The following CALN1 variants were observed in gnomAD, a reference collection of about 807,000 sequenced individuals.
CALN1 encodes the protein calcium-binding protein 8.
Under a neutral mutation model 30.6 loss-of-function variants are expected in CALN1, and 17 were observed. The ratio of observed to expected loss-of-function variants is 0.56; its 90% confidence interval spans 0.38 to 0.83. The LOEUF (loss-of-function observed/expected upper bound fraction) is 0.83. Among genes scored for constraint, CALN1 ranks in the 40% least tolerant of loss-of-function variants. The probability of loss-of-function intolerance (pLI) is 0.00; values close to 1 mark genes in which losing one functional copy is unlikely to be tolerated. For missense variants in CALN1, 291 were observed against 354.9 expected, an observed-to-expected ratio of 0.82 and a Z score of 1.45; for synonymous variants, 156 against 131.4, an observed-to-expected ratio of 1.19 and a Z score of -1.28.
At chr7:72,185,592 TA>T (rs1224874389) in intron 3 of CALN1, among the ~76,000 whole-genome samples, 2 of 152,172 alleles carry the variant, frequency 1.3e-5, no homozygotes, top group Non-Finnish European at 2.9e-5. Context: ...AGGATTTTGA[TA>T]TAGAGAGTGA....
upstream of CALN1, among the ~76,000 whole-genome samples, chr7:72,413,074 G>A (rs1349731932): frequency 2.0e-5 from 3 of 152,110 alleles, no homozygotes; most frequent in South Asian, 2.1e-4. Context: ...ACTGATGGAC[G>A]CCCTGGCAGA....
chr7:72,077,033 G>A (rs974217892), intron 4 of CALN1, among the ~76,000 whole-genome samples: 5 of 151,796 alleles, frequency 3.3e-5, no homozygotes, highest in Admixed American at 6.6e-5. Context: ...TCAAAACCAA[G>A]GGAGAAGTAT....
At chr7:71,912,165 G>A (rs1318225439) in intron 5 of CALN1, among the ~76,000 whole-genome samples, 2 of 152,084 alleles carry the variant, frequency 1.3e-5, no homozygotes, top group Non-Finnish European at 2.9e-5. Flanking sequence ...TGTGGGATGA[G>A]AAGAGAAAGG....
intron 2 of CALN1, among the ~76,000 whole-genome samples, chr7:72,292,410 C>T (rs1190724095): frequency 6.6e-6 from 1 of 150,728 alleles, no homozygotes; most frequent in Non-Finnish European, 1.5e-5. Flanking sequence ...GTGAATGAGG[C>T]CTCCACCTCC....
chr7:71,900,071 C>T (rs1023066874), intron 5 of CALN1, among the ~76,000 whole-genome samples: 3 of 152,024 alleles, frequency 2.0e-5, no homozygotes, highest in Non-Finnish European at 4.4e-5. Flanking sequence ...TTTATCATGT[C>T]AAAAATAGGA....
chr7:72,395,515 C>T (rs1039574932), intron 2 of CALN1, among the ~76,000 whole-genome samples: 3 of 152,170 alleles, frequency 2.0e-5, no homozygotes, highest in South Asian at 2.1e-4. Context: ...TATGGAGTAT[C>T]ATCCGAATTT....
At chr7:71,997,677 CAGAA>C (rs1466964753) in intron 5 of CALN1, among the ~76,000 whole-genome samples, 5 of 151,824 alleles carry the variant, frequency 3.3e-5, no homozygotes, top group African/African-American at 1.2e-4. Context: ...AGAAAGCATC[CAGAA>C]AGAAATGATG....
chr7:72,106,108 C>T (rs1412153819), intron 4 of CALN1, 43 bp downstream of exon 4: 1 of 1,602,220 alleles, frequency 6.2e-7, no homozygotes, highest in Non-Finnish European at 8.5e-7. Flanking sequence ...ACTGATGAGA[C>T]CGGGGCATGT....
chr7:72,429,386 A>G (rs1282398671), intron 1 of CALN1, among the ~76,000 whole-genome samples: 1 of 152,166 alleles, frequency 6.6e-6, no homozygotes, highest in Non-Finnish European at 1.5e-5. Flanking sequence ...AATATCCCCC[A>G]AAAATGAATG....
intron 3 of CALN1, among the ~76,000 whole-genome samples, chr7:72,178,425 G>A (rs1270655871): frequency 6.6e-6 from 1 of 152,156 alleles, no homozygotes; most frequent in Non-Finnish European, 1.5e-5. Context: ...AGGAGCGGTG[G>A]CTCATGTCTG....
intron 1 of CALN1, among the ~76,000 whole-genome samples, chr7:72,406,570 A>C (rs1806707984): frequency 6.6e-6 from 1 of 151,264 alleles, no homozygotes; most frequent in African/African-American, 2.4e-5. Context: ...TCTTGAAGTT[A>C]GATCTCTGGG....
intron 5 of CALN1, among the ~76,000 whole-genome samples, chr7:71,998,602 C>T (rs1250050948): frequency 1.3e-5 from 2 of 149,764 alleles, no homozygotes; most frequent in Non-Finnish European, 3.0e-5. Context: ...GACAGTCTCA[C>T]TCTGTTCCCC....
chr7:72,327,994 T>A (rs1477094282), intron 2 of CALN1, among the ~76,000 whole-genome samples: 2 of 152,150 alleles, frequency 1.3e-5, no homozygotes, highest in African/African-American at 2.4e-5. Context: ...GTATTTGAAA[T>A]GCATAGAAAA....
At chr7:72,393,776 G>C (rs895633858) in intron 2 of CALN1, among the ~76,000 whole-genome samples, 5 of 142,050 alleles carry the variant, frequency 3.5e-5, no homozygotes, top group Admixed American at 7.2e-5. Flanking sequence ...TTGAGACAGA[G>C]TCTCGCTCTG....
At chr7:71,943,766 T>C (rs957964665) in intron 5 of CALN1, among the ~76,000 whole-genome samples, 2 of 152,042 alleles carry the variant, frequency 1.3e-5, no homozygotes, top group African/African-American at 2.4e-5. Context: ...CATAGTGCTG[T>C]TGGGAGGATG....
intron 4 of CALN1, among the ~76,000 whole-genome samples, chr7:72,053,954 C>T (rs1216697685): frequency 1.3e-5 from 2 of 152,134 alleles, no homozygotes; most frequent in Non-Finnish European, 2.9e-5. Flanking sequence ...CAGGTCATTG[C>T]AAATGCTGTT....
intron 5 of CALN1, among the ~76,000 whole-genome samples, chr7:71,854,877 C>T (rs1394135195): frequency 6.6e-6 from 1 of 152,172 alleles, no homozygotes; most frequent in Admixed American, 6.5e-5. Context: ...AAATAAATCA[C>T]GGCTTCCCTT....
chr7:72,201,764 C>T (rs1364485390), intron 3 of CALN1, among the ~76,000 whole-genome samples: 1 of 136,916 alleles, frequency 7.3e-6, no homozygotes, highest in East Asian at 2.2e-4. Flanking sequence ...AAAGCAGTAA[C>T]TGTAGTAAGC....
chr7:72,480,832 A>G, the CALN1 span, among the ~76,000 whole-genome samples: 1 of 152,078 alleles, frequency 6.6e-6, no homozygotes, highest in African/African-American at 2.4e-5. Flanking sequence ...AAAATTGTTC[A>G]TCATATTTTT....
Sources: allele counts gnomAD v4.1 joint callset (sites outside exome capture counted in the v4.1 genomes callset), GRCh38; gene constraint gnomAD v4.1.1; transcripts MANE v1.5; gene names NCBI Gene and HGNC (gene_info 2026-07-23, HGNC 2026-07-21).